TLN2: variants seen among roughly 807,000 people sequenced by gnomAD.
The protein encoded by TLN2 is talin-2.
In TLN2, 118 loss-of-function variants were observed where a neutral mutation model predicts 294.7. The observed-to-expected ratio is 0.40, with a 90% confidence interval of 0.34 to 0.47. TLN2 has a LOEUF of 0.47. TLN2 is among the 20% of genes least tolerant of loss of function. The pLI is 0.84. For synonymous variants in TLN2, 1,431 were observed against 1,304.5 expected, an observed-to-expected ratio of 1.10 and a Z score of -2.09; for missense variants, 3,083 against 3,282.2, an observed-to-expected ratio of 0.94 and a Z score of 1.48.
intron 16 of TLN2, 93 bp downstream of exon 16, chr15:62,698,960 A>T (rs137960542): frequency 1.5e-5 from 18 of 1,215,906 alleles, no homozygotes; most frequent in Non-Finnish European, 2.1e-5. Flanking sequence ...GTAAATTTCT[A>T]TCTCTAGGTG....
chr15:62,399,256 C>CGAAAAAAA (rs2032815155), intron 1 of TLN2, among the ~76,000 whole-genome samples: 1 of 58,430 alleles, frequency 1.7e-5, no homozygotes, highest in Non-Finnish European at 2.8e-5. Flanking sequence ...CCGTCTCAAA[C>CGAAAAAAA]AAAAAAAAAA....
rs932313618 is a variant in TLN2 at position 62,752,516 on chromosome 15, A to G, written c.4332+89A>G. The stretch of plus-strand genomic sequence containing the variant: ...AACTCCAGCTGCACCTCTTTCTCCA[A>G]GTACCACCACAGAAACCATGGGAAA... On this transcript the variant is annotated intron_variant, in intron 35 of 58. Coordinates refer to ENST00000636159, the MANE Select transcript of TLN2 (RefSeq NM_015059.3). 9.7e-6 allele frequency: 15 copies of G among 1,543,372 alleles called. No individual in the cohort carries two copies. In the African/African-American group the frequency reaches 1.8e-4, roughly 18 times the overall value.
At chr15:62,729,041 T>G (rs150303887) in intron 28 of TLN2, among the ~76,000 whole-genome samples, 66 of 152,342 alleles carry the variant, frequency 4.3e-4, no homozygotes, top group African/African-American at 1.5e-3. Flanking sequence ...AGGATTCATT[T>G]AATTGTTTTT....
intron 42 of TLN2, among the ~76,000 whole-genome samples, chr15:62,772,432 A>G (rs1469096978): frequency 6.6e-6 from 1 of 152,070 alleles, no homozygotes; most frequent in Admixed American, 6.5e-5. Context: ...GAAAAAAAAG[A>G]ATACTCTTTT....
intron 12 of TLN2, among the ~76,000 whole-genome samples, chr15:62,688,768 ATT>A (rs2057513309): frequency 6.6e-6 from 1 of 152,004 alleles, no homozygotes; most frequent in Admixed American, 6.5e-5. Flanking sequence ...TCTGTTAGTA[ATT>A]TTTGTTTTTC....
At chr15:62,553,127 G>C (rs1023213964) in intron 1 of TLN2, among the ~76,000 whole-genome samples, 1 of 152,184 alleles carries the variant, frequency 6.6e-6, no homozygotes, top group Non-Finnish European at 1.5e-5. Flanking sequence ...TCATGAAAAA[G>C]GTTGAACTGA....
intron 50 of TLN2, among the ~76,000 whole-genome samples, chr15:62,803,450 T>G (rs1030958087): frequency 3.9e-5 from 6 of 152,216 alleles, no homozygotes; most frequent in Admixed American, 1.3e-4. Context: ...CTCTTAAATT[T>G]GTCCTTTTGA....
chr15:62,791,198 T>C (rs986385833), intron 45 of TLN2, among the ~76,000 whole-genome samples: 1 of 135,262 alleles, frequency 7.4e-6, no homozygotes, highest in Non-Finnish European at 1.6e-5. Context: ...AAAAAAAAAA[T>C]ACAAAAATTA....
chr15:62,436,527 C>G (rs1025885945), intron 1 of TLN2, among the ~76,000 whole-genome samples: 2 of 152,138 alleles, frequency 1.3e-5, no homozygotes, highest in Non-Finnish European at 2.9e-5. Flanking sequence ...AGAGCTTTCC[C>G]TATTGAGAAA....
chr15:62,599,704 T>C (rs1258276873), intron 2 of TLN2, among the ~76,000 whole-genome samples: 1 of 152,200 alleles, frequency 6.6e-6, no homozygotes, highest in Non-Finnish European at 1.5e-5. Flanking sequence ...ACTCAGTCTC[T>C]CCTGCAGGAG....
At chr15:62,591,910 C>T (rs1013582985) in intron 2 of TLN2, among the ~76,000 whole-genome samples, 1 of 152,024 alleles carries the variant, frequency 6.6e-6, no homozygotes, top group Non-Finnish European at 1.5e-5. Flanking sequence ...TTGAGGACCC[C>T]CAGAGGGTGC....
intron 11 of TLN2, among the ~76,000 whole-genome samples, chr15:62,678,401 T>C (rs1260406972): frequency 6.6e-6 from 1 of 152,234 alleles, no homozygotes; most frequent in East Asian, 1.9e-4. Flanking sequence ...GCCACTAAGG[T>C]GTTTGATAAA....
chr15:62,632,372 G>A (rs1454365414), intron 3 of TLN2, among the ~76,000 whole-genome samples: 1 of 152,196 alleles, frequency 6.6e-6, no homozygotes, highest in South Asian at 2.1e-4. Flanking sequence ...ACCCTTAGAG[G>A]TGTGACTTCA....
chr15:62,693,774 A>G (rs2058102247), intron 13 of TLN2, among the ~76,000 whole-genome samples: 1 of 152,130 alleles, frequency 6.6e-6, no homozygotes. Context: ...TGCAATAAAT[A>G]CGTGACATCT....
rs2053121169 is a variant in TLN2 at position 62,655,586 on chromosome 15, C to CGCTTTAGCTATA, written c.518-358_518-357insGCTTTAGCTATA. ...GCAGCATATTATACATTCATTGTAG[C>CGCTTTAGCTATA]ACATGTCACCGTGGGTTGGCTGGCA... On this transcript the variant is annotated intron_variant, in intron 7 of 58. Coordinates refer to ENST00000636159, the MANE Select transcript of TLN2 (RefSeq NM_015059.3). Among the ~76,000 whole-genome samples, 2 of 1,018 alleles carry CGCTTTAGCTATA rather than the reference C, an allele frequency of 2.0e-3. 1 individual carries two copies. The highest frequency in any genetic ancestry group is 2.2e-3 in the African/African-American group (2 of 930). 0.7% of individuals were successfully genotyped at this position (1,018 alleles called of 152,430 possible). A position where few individuals can be genotyped will look rare whatever the true frequency, so the allele number is the denominator to read the frequency against.
chr15:62,592,491 C>T (rs1230148798), intron 2 of TLN2, among the ~76,000 whole-genome samples: 2 of 152,172 alleles, frequency 1.3e-5, no homozygotes, highest in Non-Finnish European at 2.9e-5. Context: ...TATTGAACAA[C>T]AACAGAAACA....
intron 32 of TLN2, among the ~76,000 whole-genome samples, chr15:62,742,522 C>T (rs1224570958): frequency 6.6e-6 from 1 of 151,978 alleles, no homozygotes; most frequent in Non-Finnish European, 1.5e-5. Context: ...TTTTGAAAGC[C>T]AGATATAGAA....
intron 2 of TLN2, among the ~76,000 whole-genome samples, chr15:62,606,868 G>T (rs552001225): frequency 6.6e-6 from 1 of 152,248 alleles, no homozygotes; most frequent in East Asian, 1.9e-4. Context: ...TCCTCGCAGT[G>T]TTTGTTGTAA....
chr15:62,638,140 G>T lies in TLN2; in HGVS notation c.-36-9135G>T, dbSNP rs528525812. 12 of 165,476 alleles carry T rather than the reference G, an allele frequency of 7.3e-5. No homozygotes were observed. The South Asian group carries it at 1.9e-3, about 26-fold the overall frequency. The allele number at this position is 165,476 out of a possible 1,614,324, so 10.3% of individuals were successfully genotyped here. A position where few individuals can be genotyped will look rare whatever the true frequency, so the allele number is the denominator to read the frequency against. On this transcript the variant is annotated intron_variant, in intron 3 of 58. Coordinates refer to ENST00000636159, the MANE Select transcript of TLN2 (RefSeq NM_015059.3). ...TAAAGCTGTGAGAACATAGGCGTCG[G>T]CTCCCCTCTCTTTCAGGCGGTCCTT... is the stretch of plus-strand genomic sequence containing the variant.
Sources: allele counts gnomAD v4.1 joint callset (sites outside exome capture counted in the v4.1 genomes callset), GRCh38; gene constraint gnomAD v4.1.1; transcripts MANE v1.5; gene names NCBI Gene and HGNC (gene_info 2026-07-23, HGNC 2026-07-21).